The following DBF4B variants were observed in gnomAD, a reference collection of about 807,000 sequenced individuals.
DBF4B encodes protein DBF4 homolog B.
In DBF4B, 49 loss-of-function variants were observed where a neutral mutation model predicts 53.4. The observed-to-expected ratio is 0.92, with a 90% CI of 0.73 to 1.16. The LOEUF (loss-of-function observed/expected upper bound fraction) is 1.16, where lower values mean the gene tolerates loss of function less well. Ranked by LOEUF, DBF4B falls within the 50% of genes most tolerant of loss-of-function variation. The pLI is 0.00. For synonymous variants in DBF4B, 257 were observed against 288.7 expected, an observed-to-expected ratio of 0.89 and a Z score of 1.11; for missense variants, 692 against 775.0, an observed-to-expected ratio of 0.89 and a Z score of 1.27.
At chr17:44,726,178 G>A (rs140158521) in intron 3 of DBF4B, among the ~76,000 whole-genome samples, 1,873 of 151,514 alleles carry the variant, frequency 0.012, 41 homozygotes, top group African/African-American at 0.041. Flanking sequence ...TAGTGGAGAC[G>A]GGGTTTCTCC....
At chr17:44,742,557 G>C in intron 10 of DBF4B, among the ~76,000 whole-genome samples, 1 of 152,028 alleles carries the variant, frequency 6.6e-6, no homozygotes, top group Non-Finnish European at 1.5e-5. Flanking sequence ...CTCCAGCCTG[G>C]GTGACAGAGT....
intron 1 of DBF4B, 197 bp downstream of exon 1, chr17:44,709,036 C>T: frequency 1.3e-6 from 1 of 786,386 alleles, no homozygotes; most frequent in Non-Finnish European, 2.1e-6. Context: ...TAGGGGACAA[C>T]AGCCTGGAGG....
In DBF4B at chr17:44,730,000, C is replaced by T. The variant is rs764488807; in HGVS notation, c.321C>T (p.Cys107=). The T allele has an allele frequency of 3.1e-6, 5 of 1,613,718 alleles. No individual in the cohort carries two copies. In the South Asian group the frequency reaches 5.5e-5, roughly 18 times the overall value. The change falls in exon 4 of 14, where the codon TGC becomes TGT. Residue 107 remains cysteine, a synonymous_variant. Coordinates refer to ENST00000315005, the MANE Select transcript of DBF4B (RefSeq NM_145663.3). ...GCAGTGGGAAAAGCCATAGAGGCTG[C>T]CCTAGCCCTAGCCCCAGTGAGGTCA... ...AESSGKSHRG[C]PSPSPSEVRV...
intron 2 of DBF4B, among the ~76,000 whole-genome samples, chr17:44,714,313 A>C (rs2144768348): frequency 6.6e-6 from 1 of 152,274 alleles, no homozygotes; most frequent in Middle Eastern, 3.4e-3. Context: ...TGTACCCCAG[A>C]AGCTATTGAA....
intron 6 of DBF4B, chr17:44,732,865 C>CAA (rs750138148): frequency 7.0e-5 from 9 of 127,942 alleles, no homozygotes; most frequent in South Asian, 2.5e-4. Context: ...GACTCCGTCT[C>CAA]AAAAAAAAAA....
intron 3 of DBF4B, among the ~76,000 whole-genome samples, chr17:44,729,386 T>A (rs1974625548): frequency 6.6e-6 from 1 of 151,484 alleles, no homozygotes; most frequent in Non-Finnish European, 1.5e-5. Context: ...AAAAAAAAAT[T>A]TTAGAGACAG....
At chr17:44,715,927 A>G (rs1568160874) in intron 2 of DBF4B, among the ~76,000 whole-genome samples, 1 of 146,476 alleles carries the variant, frequency 6.8e-6, no homozygotes, top group Non-Finnish European at 1.5e-5. Flanking sequence ...GGTTCAAGCA[A>G]TTCTCTTGCC....
intron 2 of DBF4B, among the ~76,000 whole-genome samples, chr17:44,715,930 C>T (rs554842134): frequency 2.1e-5 from 3 of 142,798 alleles, no homozygotes; most frequent in Non-Finnish European, 3.0e-5. Flanking sequence ...TCAAGCAATT[C>T]TCTTGCCTCA....
Position 44,751,841 on chromosome 17 carries a change from A to T in DBF4B, c.*588A>T, listed in dbSNP as rs1477923904. ...CCTTTTCTCCTTTCTTTCCTCCTTG[A>T]AGCCTGGCTCCCTTGGTCGCAGCAG... is the stretch of plus-strand genomic sequence containing the variant. On this transcript the variant is annotated 3_prime_UTR_variant, in exon 14 of 14. Coordinates refer to ENST00000315005, the MANE Select transcript of DBF4B (RefSeq NM_145663.3). 4 of 1,535,052 alleles carry T rather than the reference A, an allele frequency of 2.6e-6. No individual in the cohort carries two copies. The highest frequency in any genetic ancestry group is 1.7e-6 in the Non-Finnish European group (2 of 1,146,188).
At chr17:44,730,675 A>G (rs1389693487) in intron 4 of DBF4B, among the ~76,000 whole-genome samples, 1 of 152,214 alleles carries the variant, frequency 6.6e-6, no homozygotes. Context: ...AGAGACTCTT[A>G]AAGAGGGTCT....
At chr17:44,727,785 A>G (rs902917281) in intron 3 of DBF4B, among the ~76,000 whole-genome samples, 1 of 151,480 alleles carries the variant, frequency 6.6e-6, no homozygotes, top group Non-Finnish European at 1.5e-5. Flanking sequence ...GCAACCTCCA[A>G]TTCCCAGGTG....
intron 13 of DBF4B, 55 bp from the exon 14 acceptor site, chr17:44,750,540 A>T: frequency 6.6e-7 from 1 of 1,522,600 alleles, no homozygotes; most frequent in Non-Finnish European, 8.8e-7. Flanking sequence ...TTAATTACAA[A>T]TAGCAAAGAG....
intron 10 of DBF4B, among the ~76,000 whole-genome samples, chr17:44,743,288 G>A (rs1976259615): frequency 1.3e-5 from 2 of 152,194 alleles, no homozygotes; most frequent in African/African-American, 4.8e-5. Flanking sequence ...AAAGTTCCAG[G>A]CACGTGTGTA....
chr17:44,746,125 G>T (rs991876305), intron 10 of DBF4B, among the ~76,000 whole-genome samples: 1 of 151,338 alleles, frequency 6.6e-6, no homozygotes, highest in Non-Finnish European at 1.5e-5. Flanking sequence ...CCAGCTATTC[G>T]GGAGGCTGAG....
chr17:44,738,827 G>T (rs1333603587), intron 9 of DBF4B, among the ~76,000 whole-genome samples: 1 of 152,184 alleles, frequency 6.6e-6, no homozygotes, highest in East Asian at 1.9e-4. Flanking sequence ...ACATCATCTT[G>T]GCTGAAATTA....
Position 44,752,085 on chromosome 17 carries a change from T to C in DBF4B, c.*832T>C. 8.2e-7 allele frequency: 1 copy of C among 1,223,758 alleles called. No homozygotes were observed. Among genetic ancestry groups the C allele is most frequent in the Non-Finnish European group, 1.2e-6 (1 of 863,826 alleles). 75.8% of individuals were successfully genotyped at this position (1,223,758 alleles called of 1,614,324 possible). A position where few individuals can be genotyped will look rare whatever the true frequency, so the allele number is the denominator to read the frequency against. Reference sequence around the variant, plus strand: ...TCACTTCTCGGCAGATGTGACCGATTGGTAGCTCCACCCCAACTCCCTTCT... The same window carrying C: ...TCACTTCTCGGCAGATGTGACCGATCGGTAGCTCCACCCCAACTCCCTTCT... On this transcript the variant is annotated 3_prime_UTR_variant, in exon 14 of 14. Coordinates refer to ENST00000315005, the MANE Select transcript of DBF4B (RefSeq NM_145663.3).
At chr17:44,719,807 C>T in intron 2 of DBF4B, 1 of 233,362 alleles carries the variant, frequency 4.3e-6, no homozygotes, top group Non-Finnish European at 9.0e-6. Flanking sequence ...AGGGCAGACA[C>T]AGATCACAGG....
At position 44,750,593 on chromosome 17, in the gene DBF4B, A is replaced by G; in HGVS notation, c.1190-2A>G. On this transcript the variant is annotated splice_acceptor_variant, in intron 13 of 13. Coordinates refer to ENST00000315005, the MANE Select transcript of DBF4B (RefSeq NM_145663.3). LOFTEE classifies it high-confidence loss of function. ...TATGTCGGTCCTTGATCTGCCCTCCAGTGACCCAAGGCAGGGCTGCGGGCC... is the reference window on the plus strand; with the variant it reads ...TATGTCGGTCCTTGATCTGCCCTCCGGTGACCCAAGGCAGGGCTGCGGGCC... 6.2e-7 allele frequency: 1 copy of G among 1,605,546 alleles called. No individual in the cohort carries two copies. Among genetic ancestry groups the G allele is most frequent in the Non-Finnish European group, 8.5e-7 (1 of 1,174,220 alleles).
At chr17:44,730,870 C>T in intron 4 of DBF4B, 95 bp from the exon 5 acceptor site, 5 of 1,325,046 alleles carry the variant, frequency 3.8e-6, no homozygotes, top group Non-Finnish European at 5.4e-6. Flanking sequence ...AGGGACATAA[C>T]CCCAAGACAT....
Sources: allele counts gnomAD v4.1 joint callset (sites outside exome capture counted in the v4.1 genomes callset), GRCh38; gene constraint gnomAD v4.1.1; transcripts MANE v1.5; gene names NCBI Gene and HGNC (gene_info 2026-07-23, HGNC 2026-07-21).